PM20D2: variants seen among roughly 807,000 people sequenced by gnomAD.
PM20D2 encodes peptidase M20 domain containing 2.
In PM20D2, 33 loss-of-function variants were observed where a neutral mutation model predicts 42.9. That is an observed-to-expected ratio of 0.77 (90% CI 0.58 to 1.03). The LOEUF is 1.03. Ranked by LOEUF, PM20D2 falls within the 50% of genes least tolerant of loss-of-function variation. The pLI is 0.00. For missense variants in PM20D2, 548 were observed against 557.0 expected, an observed-to-expected ratio of 0.98 and a Z score of 0.16; for synonymous variants, 250 against 228.2, an observed-to-expected ratio of 1.10 and a Z score of -0.86.
At chr6:89,124,395 C>T in the PM20D2 span, among the ~76,000 whole-genome samples, 2 of 152,194 alleles carry the variant, frequency 1.3e-5, no homozygotes, top group Admixed American at 6.5e-5. Flanking sequence ...TTTTGAGAGA[C>T]GTTCTTGCTA....
At position 89,159,248 on chromosome 6, in the gene PM20D2, A is replaced by G. The variant is rs562267877; in HGVS notation, c.1048+788A>G. On this transcript the variant is annotated intron_variant, in intron 5 of 6. Coordinates refer to ENST00000275072, the MANE Select transcript of PM20D2 (RefSeq NM_001010853.3). ...TGTCGATGAGGTTGCCCAAATACAT[A>G]GAGGAAGAAGATTCCCAGAGATCAG... Among the ~76,000 whole-genome samples, 5 of 152,354 alleles carry G rather than the reference A, an allele frequency of 3.3e-5. No individual in the cohort carries two copies. The East Asian group carries it at 9.6e-4, about 29-fold the overall frequency.
intron 4 of PM20D2, among the ~76,000 whole-genome samples, chr6:89,155,792 T>G (rs769718266): frequency 6.6e-6 from 1 of 151,974 alleles, no homozygotes; most frequent in Non-Finnish European, 1.5e-5. Flanking sequence ...CAACGCAACC[T>G]CCTCTGCCTC....
intron 2 of PM20D2, among the ~76,000 whole-genome samples, 188 bp from the exon 3 acceptor site, chr6:89,152,854 TA>T (rs1219764209): frequency 6.6e-6 from 1 of 152,206 alleles, no homozygotes; most frequent in Non-Finnish European, 1.5e-5. Flanking sequence ...TGTCAAGCAC[TA>T]TGTTACCTAA....
the PM20D2 span, chr6:89,105,174 G>A: frequency 1.2e-6 from 2 of 1,612,154 alleles, no homozygotes; most frequent in Admixed American, 1.7e-5. Context: ...CTTCTACTTC[G>A]AGTTCTTCTT....
chr6:89,118,731 C>T, the PM20D2 span, among the ~76,000 whole-genome samples: 1 of 152,222 alleles, frequency 6.6e-6, no homozygotes, highest in South Asian at 2.1e-4. Context: ...GCGCCAGGCA[C>T]TTAGCGTGGG....
the PM20D2 span, chr6:89,117,999 C>T: frequency 2.5e-6 from 3 of 1,182,306 alleles, no homozygotes; most frequent in South Asian, 2.9e-5. Flanking sequence ...GCGACCCCCA[C>T]CCCTCGGCCT....
the PM20D2 span, among the ~76,000 whole-genome samples, chr6:89,117,002 G>A: frequency 5.9e-5 from 9 of 151,428 alleles, no homozygotes; most frequent in African/African-American, 2.2e-4. Context: ...GAAGCCCAGT[G>A]AAATGAGAAT....
Position 89,156,820 on chromosome 6 carries a change from C to T in PM20D2, c.913-1505C>T, listed in dbSNP as rs565880518. 5.3e-5 allele frequency among the ~76,000 whole-genome samples: 8 copies of T among 152,164 alleles called. 1 individual carries two copies. The highest frequency in any genetic ancestry group is 5.2e-4 in the Admixed American group (8 of 15,256). On this transcript the variant is annotated intron_variant, in intron 4 of 6. Coordinates refer to ENST00000275072, the MANE Select transcript of PM20D2 (RefSeq NM_001010853.3). ...AAGCTCGTGTTGTGTTGTAGTTAAT[C>T]GATAAACATATGGACAGATGTAGGA...
chr6:89,131,269 C>G, the PM20D2 span, among the ~76,000 whole-genome samples: 1 of 152,120 alleles, frequency 6.6e-6, no homozygotes, highest in Non-Finnish European at 1.5e-5. Flanking sequence ...CTAATCACAT[C>G]TTAAAAGCCC....
At chr6:89,149,876 TG>T in intron 2 of PM20D2, among the ~76,000 whole-genome samples, 1 of 152,358 alleles carries the variant, frequency 6.6e-6, no homozygotes, top group East Asian at 1.9e-4. Context: ...TGAGTAGCTA[TG>T]GTTTTTGTGG....
rs768710970 is a variant in PM20D2, at chr6:89,146,192, C to T, written c.48C>T (p.Gly16=). The T allele has an allele frequency of 1.9e-6, 3 of 1,544,750 alleles. No homozygotes were observed. In the Admixed American group the frequency reaches 5.5e-5, roughly 28 times the overall value. ...CCGTGGAAGGGGGCGCGTGCAATGG[C>T]CGCTCCGAGCTGGAGCTACTGAAGC... is the stretch of plus-strand genomic sequence containing the variant. ...ERPVEGGACN[G]RSELELLKLR... Residue 16 remains glycine (G), a synonymous_variant, in exon 1 of 7, where the codon GGC becomes GGT. Transcript: ENST00000275072.
At chr6:89,118,093 G>GGCGGC in the PM20D2 span, 3 of 155,636 alleles carry the variant, frequency 1.9e-5, no homozygotes, top group South Asian at 1.9e-4. Context: ...CCGGGGGCGG[G>GGCGGC]GGCGGCGCCG....
chr6:89,127,711 T>A, the PM20D2 span, among the ~76,000 whole-genome samples: 1 of 152,208 alleles, frequency 6.6e-6, no homozygotes, highest in Admixed American at 6.5e-5. Context: ...GTGTTCTATA[T>A]CTGCACTGTC....
At position 89,154,822 on chromosome 6, in the gene PM20D2, C is replaced by T. The variant is rs1456214127; in HGVS notation, c.832C>T (p.Pro278Ser). ...YSELIYYFRA[P>S]SMKELQVLTK... Reference sequence around the variant, plus strand: ...TGAATTAATCTATTACTTCCGTGCACCCTCAATGAAAGAACTTCAAGTTTT... The same window carrying T: ...TGAATTAATCTATTACTTCCGTGCATCCTCAATGAAAGAACTTCAAGTTTT... Residue 278 changes from proline to serine, a missense_variant, in exon 4 of 7, where the codon CCC (proline) becomes TCC (serine). Transcript: ENST00000275072. 3 of 1,609,514 alleles carry T rather than the reference C, an allele frequency of 1.9e-6. No individual in the cohort carries two copies.
chr6:89,107,288 A>C, the PM20D2 span: 2 of 1,547,240 alleles, frequency 1.3e-6, no homozygotes, highest in Non-Finnish European at 1.8e-6. Context: ...AGGCAAAGAA[A>C]TATGAATAGC....
chr6:89,115,839 G>T, the PM20D2 span, among the ~76,000 whole-genome samples: 1 of 150,740 alleles, frequency 6.6e-6, no homozygotes, highest in Admixed American at 6.6e-5. Flanking sequence ...GTTTCATCGT[G>T]CTAGCCAGGA....
At chr6:89,151,181 A>G (rs768306014) in intron 2 of PM20D2, among the ~76,000 whole-genome samples, 2 of 151,228 alleles carry the variant, frequency 1.3e-5, no homozygotes, top group Non-Finnish European at 2.9e-5. Context: ...AAAAGAGAAC[A>G]AGATCAAGAA....
intron 2 of PM20D2, among the ~76,000 whole-genome samples, chr6:89,151,769 A>T (rs1562252032): frequency 6.6e-6 from 1 of 152,120 alleles, no homozygotes; most frequent in Non-Finnish European, 1.5e-5. Context: ...TCTCGTTTTT[A>T]TAATATTTAT....
the PM20D2 span, among the ~76,000 whole-genome samples, chr6:89,125,643 CG>C: frequency 4.7e-4 from 71 of 150,722 alleles, no homozygotes; most frequent in Non-Finnish European, 8.1e-4. Context: ...ATTAGCCGGG[CG>C]TGGTGGCGGG....
Sources: gnomAD v4.1 joint callset for allele counts (sites outside exome capture counted in the v4.1 genomes callset) on GRCh38, gnomAD v4.1.1 for gene constraint, MANE v1.5 for transcripts, NCBI Gene and HGNC (gene_info 2026-07-23, HGNC 2026-07-21) for gene names.